The following EXTL3 variants were observed in gnomAD, a reference collection of about 807,000 sequenced individuals.
EXTL3 encodes exostosin like glycosyltransferase 3, also known as exostosin-like 3.
A neutral mutation model predicts 69.3 loss-of-function variants in EXTL3; 27 were observed. The observed-to-expected ratio is 0.39, with a 90% CI of 0.29 to 0.54. EXTL3 has a LOEUF of 0.54. EXTL3 is among the 20% of genes least tolerant of loss of function. The pLI is 0.69. For missense variants in EXTL3, 1,003 were observed against 1,231.8 expected (o/e 0.81, Z 2.78); for synonymous variants, 511 against 499.4 (o/e 1.02, Z -0.31).
At chr8:28,695,168 C>T (rs1237038603) in intron 1 of EXTL3, among the ~76,000 whole-genome samples, 1 of 138,810 alleles carries the variant, frequency 7.2e-6, no homozygotes, top group Non-Finnish European at 1.5e-5. Flanking sequence ...TTGCTCTTGT[C>T]ACTCAGGCTA....
chr8:28,691,170 G>A (rs180733542), intron 1 of EXTL3, among the ~76,000 whole-genome samples: 110 of 152,272 alleles, frequency 7.2e-4, no homozygotes, highest in Middle Eastern at 3.4e-3. Flanking sequence ...AAAAGCTGCC[G>A]TTGACCACCA....
At chr8:28,709,861 C>T (rs745985634) in intron 1 of EXTL3, among the ~76,000 whole-genome samples, 25 of 152,102 alleles carry the variant, frequency 1.6e-4, no homozygotes, top group Admixed American at 9.8e-4. Flanking sequence ...AAGGGGAACA[C>T]CAGCACGTGC....
intron 3 of EXTL3, among the ~76,000 whole-genome samples, chr8:28,727,132 C>T (rs535411545): frequency 5.9e-5 from 9 of 152,122 alleles, no homozygotes; most frequent in East Asian, 3.9e-4. Flanking sequence ...GTGATCCACC[C>T]GCCTTGGCCT....
chr8:28,671,458 A>C (rs559519417), intron 1 of EXTL3, among the ~76,000 whole-genome samples: 1 of 150,216 alleles, frequency 6.7e-6, no homozygotes, highest in Non-Finnish European at 1.5e-5. Flanking sequence ...TTGTGCTTCA[A>C]CCTCTGGAGT....
chr8:28,717,191 C>T lies in EXTL3; in HGVS notation c.1132C>T (p.Arg378Trp), dbSNP rs138851422. The T allele has an allele frequency of 3.2e-4, 516 of 1,614,114 alleles. No individual in the cohort carries two copies. Among genetic ancestry groups the T allele is most frequent in the Middle Eastern group, 1.6e-4 (1 of 6,084 alleles). ...CGACCCTCCCGCCGACTACGATGAC[C>T]GGATCATTGCCACCCTGAAGGCGGT... Reference protein sequence around the residue: ...EGDPPADYDDRIIATLKAVQD... With the variant: ...EGDPPADYDDWIIATLKAVQD... The change falls in exon 3 of 7, where the codon CGG becomes TGG. Residue 378 changes from arginine to tryptophan, a missense_variant. By Grantham distance (101) the Arg-to-Trp change is moderately radical (BLOSUM62 -3). Around this residue, in one of 2 missense-constraint regions of EXTL3, gnomAD observed 742 missense variants for 815.4 expected, o/e 0.91. Transcript: ENST00000220562. This position sits in a 1 kb window ranked among gnomAD's most constrained non-coding sequence, Gnocchi z 8.3.
At chr8:28,694,992 G>C (rs1223017736) in intron 1 of EXTL3, among the ~76,000 whole-genome samples, 1 of 152,012 alleles carries the variant, frequency 6.6e-6, no homozygotes, top group Non-Finnish European at 1.5e-5. Flanking sequence ...CTTCAGCCTG[G>C]GTGGCAGAGT....
At chr8:28,747,694 T>A (rs980953892) in intron 6 of EXTL3, among the ~76,000 whole-genome samples, 1 of 151,806 alleles carries the variant, frequency 6.6e-6, no homozygotes, top group Non-Finnish European at 1.5e-5. Context: ...CACATATGTG[T>A]GTAAAAATAC....
chr8:28,664,802 A>T (rs930827024), intron 1 of EXTL3, among the ~76,000 whole-genome samples: 2 of 152,132 alleles, frequency 1.3e-5, no homozygotes, highest in African/African-American at 4.8e-5. Flanking sequence ...CTGAAATTTC[A>T]CAAGAATGCA....
chr8:28,660,143 G>A (rs575773259), intron 1 of EXTL3, among the ~76,000 whole-genome samples: 6 of 152,250 alleles, frequency 3.9e-5, no homozygotes, highest in South Asian at 2.1e-4. Context: ...CAGGAAGATC[G>A]GTTGAGGCCA....
At position 28,642,354 on chromosome 8, in the gene EXTL3, G is replaced by A. The variant is rs1290896993; in HGVS notation, c.-53+19544G>A. On this transcript the variant is annotated intron_variant, in intron 1 of 6. Transcript: ENST00000523149. ...CCAGCCACTTGGGAAACTGAGGCAG[G>A]ACAATCACTTGGGCCCAGGAGGTAA... Among the ~76,000 whole-genome samples the A allele has an allele frequency of 4.6e-5, 7 of 150,708 alleles. No individual in the cohort carries two copies. In the Admixed American group the frequency reaches 4.7e-4, roughly 10 times the overall value.
At chr8:28,666,435 G>A (rs1291770713) in intron 1 of EXTL3, among the ~76,000 whole-genome samples, 2 of 151,880 alleles carry the variant, frequency 1.3e-5, no homozygotes, top group African/African-American at 2.4e-5. Context: ...GTACCACCAA[G>A]CCTGGCTAAT....
At chr8:28,634,834 A>T (rs1015244168) in intron 1 of EXTL3, among the ~76,000 whole-genome samples, 7 of 151,988 alleles carry the variant, frequency 4.6e-5, no homozygotes, top group East Asian at 3.9e-4. Flanking sequence ...ACCTCAAGTG[A>T]TCCGCTCGCT....
intron 1 of EXTL3, among the ~76,000 whole-genome samples, chr8:28,680,129 T>A (rs1807457596): frequency 6.6e-6 from 1 of 152,010 alleles, no homozygotes; most frequent in Non-Finnish European, 1.5e-5. Context: ...CGGTGGCTTA[T>A]GCCTATAATC....
intron 1 of EXTL3, among the ~76,000 whole-genome samples, chr8:28,691,288 T>C (rs971165045): frequency 1.1e-4 from 17 of 152,242 alleles, no homozygotes; most frequent in Non-Finnish European, 2.2e-4. Flanking sequence ...TGTTAAAAAC[T>C]CACAAACTTG....
At chr8:28,677,735 C>G (rs192713139) in intron 1 of EXTL3, among the ~76,000 whole-genome samples, 14 of 151,636 alleles carry the variant, frequency 9.2e-5, no homozygotes, top group African/African-American at 3.4e-4. Flanking sequence ...TGTTCTGTTA[C>G]GAAAAAAAAA....
At chr8:28,690,952 T>C (rs77606142) in intron 1 of EXTL3, among the ~76,000 whole-genome samples, 5,699 of 152,092 alleles carry the variant, frequency 0.037, 341 homozygotes, top group African/African-American at 0.13. Context: ...CTGGCTGCCA[T>C]GGGAGTCTCC....
At chr8:28,659,601 A>C (rs879830847) in intron 1 of EXTL3, among the ~76,000 whole-genome samples, 9 of 152,154 alleles carry the variant, frequency 5.9e-5, no homozygotes, top group Non-Finnish European at 1.3e-4. Flanking sequence ...GTCAGCTTCT[A>C]TCCTGGATCC....
Position 28,751,148 on chromosome 8 carries a change from C to T in EXTL3, c.*282C>T, listed in dbSNP as rs560675376. On this transcript the variant is annotated 3_prime_UTR_variant, in exon 7 of 7. Coordinates refer to ENST00000220562, the MANE Select transcript of EXTL3 (RefSeq NM_001440.4). The stretch of plus-strand genomic sequence containing the variant: ...ACTCTGCAGAGTCACTCACACCGTT[C>T]GTACGCCCAGGACAGCTGGTTCGTG... The T allele has an allele frequency of 1.5e-5, 7 of 477,270 alleles. No individual in the cohort carries two copies. The highest frequency in any genetic ancestry group is 1.0e-4 in the Admixed American group (3 of 29,776). The allele number at this position is 477,270 out of a possible 1,614,324, so 29.6% of individuals were successfully genotyped here. A position where few individuals can be genotyped will look rare whatever the true frequency, so the allele number is the denominator to read the frequency against.
intron 1 of EXTL3, among the ~76,000 whole-genome samples, chr8:28,702,198 C>G (rs565205672): frequency 6.6e-6 from 1 of 152,354 alleles, no homozygotes; most frequent in Middle Eastern, 3.4e-3. Context: ...GCTGCCCTCC[C>G]CGCTGGCTCT....
Sources: gnomAD v4.1 joint callset for allele counts (sites outside exome capture counted in the v4.1 genomes callset) on GRCh38, gnomAD v4.1.1 for gene constraint, gnomAD v4.1.1 regional missense constraint, Gnocchi (gnomAD v3.1) non-coding constraint, MANE v1.5 for transcripts, NCBI Gene and HGNC (gene_info 2026-07-23, HGNC 2026-07-21) for gene names.